The following ARNT2 variants were observed in gnomAD, a reference collection of about 807,000 sequenced individuals.
ARNT2 encodes ARNT protein 2.
In ARNT2, 36 loss-of-function variants were observed where a neutral mutation model predicts 91.7. That is an observed-to-expected ratio of 0.39 (90% confidence interval 0.30 to 0.52). ARNT2 has a LOEUF of 0.52. ARNT2 is among the 20% of genes least tolerant of loss of function. The pLI, the probability that ARNT2 is intolerant of heterozygous loss-of-function variation, is 0.72. For synonymous variants in ARNT2, 365 were observed against 347.1 expected, an observed-to-expected ratio of 1.05 and a Z score of -0.57; for missense variants, 775 against 939.3, an observed-to-expected ratio of 0.83 and a Z score of 2.29.
intron 8 of ARNT2, among the ~76,000 whole-genome samples, chr15:80,519,497 G>T (rs1408597283): frequency 6.6e-6 from 1 of 152,114 alleles, no homozygotes; most frequent in Non-Finnish European, 1.5e-5. Context: ...AGCAGAGGAA[G>T]CAATCAGATA....
chr15:80,454,680 G>A (rs1344656874), intron 2 of ARNT2, among the ~76,000 whole-genome samples: 1 of 152,168 alleles, frequency 6.6e-6, no homozygotes, highest in Non-Finnish European at 1.5e-5. Flanking sequence ...CTTTGGGTTG[G>A]CCCAGGATCA....
intron 5 of ARNT2, among the ~76,000 whole-genome samples, chr15:80,500,794 G>T (rs1410510596): frequency 1.3e-5 from 2 of 152,218 alleles, no homozygotes; most frequent in African/African-American, 2.4e-5. Context: ...CTCTGCCATG[G>T]TGTATGAAAG....
At chr15:80,573,517 A>G (rs1898618777) in intron 12 of ARNT2, among the ~76,000 whole-genome samples, 1 of 152,166 alleles carries the variant, frequency 6.6e-6, no homozygotes, top group South Asian at 2.1e-4. Flanking sequence ...GCTCTGAGCT[A>G]TAGAGTTCAC....
chr15:80,501,896 CT>C (rs1266581488), intron 5 of ARNT2, among the ~76,000 whole-genome samples: 3 of 152,216 alleles, frequency 2.0e-5, no homozygotes, highest in Admixed American at 1.3e-4. Context: ...TCCTTGCTGC[CT>C]TTTTCATTTG....
chr15:80,492,120 G>A lies in ARNT2; in HGVS notation c.623-16036G>A, dbSNP rs1008335930. Among the ~76,000 whole-genome samples, 3 of 151,696 alleles carry A rather than the reference G, an allele frequency of 2.0e-5. 1 individual carries two copies. Among genetic ancestry groups the A allele is most frequent in the South Asian group, 4.2e-4 (2 of 4,796 alleles). On this transcript the variant is annotated intron_variant, in intron 5 of 18. Coordinates refer to ENST00000303329, the MANE Select transcript of ARNT2 (RefSeq NM_014862.4). ...CAGTGGCACCATCACAGCTCACAGCGGCCTTGCCCTTCCAGGCTGAAGTGA... is the reference window on the plus strand; with the variant it reads ...CAGTGGCACCATCACAGCTCACAGCAGCCTTGCCCTTCCAGGCTGAAGTGA...
intron 5 of ARNT2, among the ~76,000 whole-genome samples, chr15:80,496,701 G>A (rs568664518): frequency 6.6e-6 from 1 of 152,342 alleles, no homozygotes; most frequent in South Asian, 2.1e-4. Flanking sequence ...TATGTCAGGA[G>A]CTCAGCTTCT....
At chr15:80,589,368 A>G (rs994035561) in intron 17 of ARNT2, among the ~76,000 whole-genome samples, 1 of 152,154 alleles carries the variant, frequency 6.6e-6, no homozygotes, top group Non-Finnish European at 1.5e-5. Context: ...GTGGCTGTAA[A>G]TGTTGATGGC....
At chr15:80,555,028 G>C in intron 10 of ARNT2, 37 bp from the exon 11 acceptor site, 1 of 1,575,244 alleles carries the variant, frequency 6.3e-7, no homozygotes, top group East Asian at 2.2e-5. Flanking sequence ...AATTACAAAT[G>C]GATCTGGGAT....
chr15:80,522,820 G>GTGTGTGTATATA (rs548555538), intron 8 of ARNT2, among the ~76,000 whole-genome samples: 22 of 135,702 alleles, frequency 1.6e-4, no homozygotes, highest in Middle Eastern at 3.6e-3. Context: ...GTGTGTGTGT[G>GTGTGTGTATATA]TATATATATA....
rs1039740494 is a variant in ARNT2, at chr15:80,593,856, A to G, written c.*158A>G. On this transcript the variant is annotated 3_prime_UTR_variant, in exon 19 of 19. Transcript: ENST00000303329. Reference sequence around the variant, plus strand: ...GTGTCCCCAGGCGCATCATTGCTCCACTCTCCCCTGCAGCCGCGGCTGCTC... The same window carrying G: ...GTGTCCCCAGGCGCATCATTGCTCCGCTCTCCCCTGCAGCCGCGGCTGCTC... 20 of 631,328 alleles carry G rather than the reference A, an allele frequency of 3.2e-5. No individual in the cohort carries two copies. The African/African-American group carries it at 3.7e-4, about 12-fold the overall frequency. 39.1% of individuals were successfully genotyped at this position (631,328 alleles called of 1,614,324 possible).
chr15:80,577,989 C>T (rs544723845), intron 15 of ARNT2, among the ~76,000 whole-genome samples: 29 of 152,338 alleles, frequency 1.9e-4, no homozygotes, highest in Non-Finnish European at 2.9e-4. Context: ...CCGCAGGTCA[C>T]GCTGCTCTGC....
intron 5 of ARNT2, among the ~76,000 whole-genome samples, chr15:80,507,808 G>T (rs548784947): frequency 2.6e-5 from 4 of 152,222 alleles, no homozygotes; most frequent in Non-Finnish European, 5.9e-5. Context: ...AAGGAAAAAC[G>T]TGTTTTAGAT....
intron 8 of ARNT2, among the ~76,000 whole-genome samples, chr15:80,528,613 T>C (rs984139248): frequency 4.6e-5 from 7 of 152,062 alleles, no homozygotes; most frequent in African/African-American, 1.7e-4. Flanking sequence ...CGCTCATGAA[T>C]ATATTAATAC....
chr15:80,580,371 A>T (rs1898770066), intron 15 of ARNT2, 40 bp from the exon 16 acceptor site: 1 of 1,612,000 alleles, frequency 6.2e-7, no homozygotes, highest in Admixed American at 1.7e-5. Context: ...CATGCAAACC[A>T]GGTGTGTCCT....
At chr15:80,483,465 G>C (rs1173488107) in intron 5 of ARNT2, among the ~76,000 whole-genome samples, 1 of 152,210 alleles carries the variant, frequency 6.6e-6, no homozygotes, top group Non-Finnish European at 1.5e-5. Context: ...TAGAAGTGTA[G>C]CTCTGGGGGT....
chr15:80,474,054 C>T (rs913865450), intron 4 of ARNT2, among the ~76,000 whole-genome samples: 1 of 152,162 alleles, frequency 6.6e-6, no homozygotes, highest in Admixed American at 6.5e-5. Context: ...CTGGCTCCTG[C>T]AGGCACAAAG....
At position 80,450,988 on chromosome 15, in the gene ARNT2, G is replaced by C. The variant is rs369899179; in HGVS notation, c.140G>C (p.Arg47Pro). Residue 47 changes from arginine to proline, a missense_variant, in exon 2 of 19, where the codon CGT (arginine) becomes CCT (proline). Physicochemically the swap from Arg to Pro is moderately radical, Grantham distance 103. Transcript: ENST00000303329. ...GAMPARGGKR[R>P]SGMDFDDEDG... ...ATGCCTGCCCGTGGAGGAAAGCGGC[G>C]TTCCGGGTAAGCGACCTCAGCGTTT... The C allele has an allele frequency of 6.2e-7, 1 of 1,613,642 alleles. No individual in the cohort carries two copies. The highest frequency in any genetic ancestry group is 8.5e-7 in the Non-Finnish European group (1 of 1,179,862).
At chr15:80,413,009 T>C (rs550453012) in intron 1 of ARNT2, among the ~76,000 whole-genome samples, 1 of 152,358 alleles carries the variant, frequency 6.6e-6, no homozygotes, top group African/African-American at 2.4e-5. Context: ...ACTCAGATCA[T>C]CTACTGATGT....
At chr15:80,520,991 A>G (rs1171177768) in intron 8 of ARNT2, among the ~76,000 whole-genome samples, 3 of 152,168 alleles carry the variant, frequency 2.0e-5, no homozygotes, top group Non-Finnish European at 4.4e-5. Context: ...TAGTAGTGAT[A>G]TTTCCATTTA....
Sources: allele counts gnomAD v4.1 joint callset (sites outside exome capture counted in the v4.1 genomes callset), GRCh38; gene constraint gnomAD v4.1.1; transcripts MANE v1.5; gene names NCBI Gene and HGNC (gene_info 2026-07-23, HGNC 2026-07-21).